The following NTM variants were observed in gnomAD, a reference collection of about 807,000 sequenced individuals.
NTM encodes the protein IgLON family member 2.
A neutral mutation model predicts 42.1 loss-of-function variants in NTM; 13 were observed. The observed-to-expected ratio is 0.31, with a 90% confidence interval of 0.20 to 0.49. The LOEUF (loss-of-function observed/expected upper bound fraction) is 0.49, where lower values mean the gene tolerates loss of function less well. Ranked by LOEUF, NTM falls within the 20% of genes least tolerant of loss-of-function variation. NTM has a pLI of 0.99. For synonymous variants in NTM, 187 were observed against 179.2 expected, an observed-to-expected ratio of 1.04 and a Z score of -0.35; for missense variants, 373 against 452.8, an observed-to-expected ratio of 0.82 and a Z score of 1.60.
At chr11:132,011,263 C>T (rs1565942713) in intron 2 of NTM, among the ~76,000 whole-genome samples, 1 of 152,132 alleles carries the variant, frequency 6.6e-6, no homozygotes, top group Non-Finnish European at 1.5e-5. Context: ...TCCTTGACAA[C>T]AGTTTACTGC....
At chr11:132,106,355 A>C (rs2062375203) in intron 2 of NTM, among the ~76,000 whole-genome samples, 1 of 152,230 alleles carries the variant, frequency 6.6e-6, no homozygotes, top group African/African-American at 2.4e-5. Flanking sequence ...GTTTGTCTAA[A>C]GGGGGACCAT....
intron 4 of NTM, among the ~76,000 whole-genome samples, chr11:132,226,816 AT>A (rs1002283170): frequency 6.6e-6 from 1 of 152,214 alleles, no homozygotes; most frequent in African/African-American, 2.4e-5. Context: ...AAGTTCATTG[AT>A]TGATTAGATG....
intron 2 of NTM, among the ~76,000 whole-genome samples, chr11:131,976,997 G>A (rs2064492165): frequency 6.6e-6 from 1 of 150,442 alleles, no homozygotes; most frequent in Non-Finnish European, 1.5e-5. Flanking sequence ...TTTCACTCAT[G>A]AGCACAGGGG....
intron 2 of NTM, among the ~76,000 whole-genome samples, chr11:132,093,511 C>T (rs1015709175): frequency 6.6e-6 from 1 of 152,208 alleles, no homozygotes; most frequent in East Asian, 1.9e-4. Context: ...GTATCTCCTG[C>T]CCATCTTCAT....
intron 1 of NTM, among the ~76,000 whole-genome samples, chr11:131,371,434 C>A (rs539761522): frequency 6.6e-6 from 1 of 152,192 alleles, no homozygotes; most frequent in South Asian, 2.1e-4. Context: ...CAGTGGGGGA[C>A]AACTGTATTA....
chr11:131,821,668 T>C (rs2093194057), intron 1 of NTM, among the ~76,000 whole-genome samples: 2 of 152,318 alleles, frequency 1.3e-5, no homozygotes, highest in Middle Eastern at 3.4e-3. Flanking sequence ...AAAGCATAAA[T>C]GACTTTAAAA....
At chr11:131,919,954 T>G (rs1282584795) in intron 2 of NTM, among the ~76,000 whole-genome samples, 1 of 152,186 alleles carries the variant, frequency 6.6e-6, no homozygotes, top group Non-Finnish European at 1.5e-5. Flanking sequence ...GTTTAGAGAT[T>G]CTTCAGTTTC....
chr11:131,459,284 G>C (rs1951169776), intron 1 of NTM, among the ~76,000 whole-genome samples: 1 of 152,198 alleles, frequency 6.6e-6, no homozygotes, highest in Admixed American at 6.5e-5. Context: ...CTCTACAGTT[G>C]TATCACCCAG....
intron 2 of NTM, among the ~76,000 whole-genome samples, chr11:131,942,932 T>C (rs1053101582): frequency 1.8e-5 from 2 of 113,574 alleles, no homozygotes; most frequent in East Asian, 6.0e-4. Flanking sequence ...GTCAAGAGAG[T>C]GAGACCCTGT....
At chr11:132,172,023 A>G (rs1566371668) in intron 3 of NTM, among the ~76,000 whole-genome samples, 1 of 152,212 alleles carries the variant, frequency 6.6e-6, no homozygotes, top group Non-Finnish European at 1.5e-5. Flanking sequence ...AGACAGCTTG[A>G]TAGACCACAG....
chr11:131,780,194 C>A (rs892164196), intron 1 of NTM, among the ~76,000 whole-genome samples: 6 of 151,962 alleles, frequency 3.9e-5, no homozygotes, highest in African/African-American at 1.5e-4. Context: ...TTGTGAGGCA[C>A]GAAATAGGAA....
At chr11:131,796,026 G>A (rs1203913842) in intron 1 of NTM, 1 of 985,300 alleles carries the variant, frequency 1.0e-6, no homozygotes, top group Non-Finnish European at 1.2e-6. Context: ...TCAGCTGCCA[G>A]CCAGCATGTG....
intron 2 of NTM, among the ~76,000 whole-genome samples, chr11:132,095,595 G>T (rs915626611): frequency 6.6e-6 from 1 of 152,184 alleles, no homozygotes; most frequent in South Asian, 2.1e-4. Flanking sequence ...GGCAGCTGCT[G>T]TCCATTTCAG....
rs567568343 is a variant in NTM, at chr11:131,915,084, A to G, written c.167+3436A>G. 2.0e-5 allele frequency among the ~76,000 whole-genome samples: 3 copies of G among 152,216 alleles called. No homozygotes were observed. The South Asian group carries it at 6.2e-4, about 32-fold the overall frequency. On this transcript the variant is annotated intron_variant, in intron 2 of 8. Coordinates refer to ENST00000683400, the MANE Select transcript of NTM (RefSeq NM_001352005.2). ...CTATCATTGGTCTGTTACTGTGTGA[A>G]CATTTTATGTAAACAGTAACATTTA...
At chr11:131,909,707 A>G (rs1034946250) in intron 1 of NTM, 8 of 152,416 alleles carry the variant, frequency 5.2e-5, no homozygotes, top group Admixed American at 5.2e-4. Flanking sequence ...ATTCCCTCAG[A>G]GCCGAAGTTA....
intron 2 of NTM, among the ~76,000 whole-genome samples, chr11:132,047,191 T>C (rs1209138520): frequency 1.3e-5 from 2 of 152,258 alleles, no homozygotes; most frequent in African/African-American, 4.8e-5. Context: ...GTATCATTCA[T>C]TCTAAGAAGA....
At chr11:131,455,545 T>G (rs187724186) in intron 1 of NTM, 1 of 152,224 alleles carries the variant, frequency 6.6e-6, no homozygotes, top group South Asian at 2.1e-4. Flanking sequence ...CTGAGAAGAA[T>G]GGAGGGAGGG....
At chr11:131,933,412 G>A (rs566993488) in intron 2 of NTM, among the ~76,000 whole-genome samples, 1 of 152,292 alleles carries the variant, frequency 6.6e-6, no homozygotes, top group African/African-American at 2.4e-5. Context: ...AGTTCCATGT[G>A]CCTGACCATC....
intron 1 of NTM, among the ~76,000 whole-genome samples, chr11:131,630,153 G>A (rs1251566319): frequency 2.0e-5 from 3 of 152,194 alleles, no homozygotes; most frequent in Non-Finnish European, 4.4e-5. Context: ...TACCGGCAAA[G>A]GAGGTCGGGC....
Sources: gnomAD v4.1 joint callset for allele counts (sites outside exome capture counted in the v4.1 genomes callset) on GRCh38, gnomAD v4.1.1 for gene constraint, MANE v1.5 for transcripts, NCBI Gene and HGNC (gene_info 2026-07-23, HGNC 2026-07-21) for gene names.